Variants in SMARCA4 observed in about 807,000 individuals in gnomAD.
The protein encoded by SMARCA4 is SWI/SNF-related matrix-associated actin-dependent regulator of chromatin subfamily A member 4.
SMARCA4 carries 31 observed loss-of-function variants against 193.9 expected under a neutral mutation model. The ratio of observed to expected loss-of-function variants is 0.16; its 90% confidence interval spans 0.12 to 0.22. SMARCA4 has a LOEUF of 0.22. Among genes scored for constraint, SMARCA4 ranks in the 10% least tolerant of loss-of-function variants. SMARCA4 has a pLI of 1.00. For synonymous variants in SMARCA4, 942 were observed against 933.1 expected, an observed-to-expected ratio of 1.01 and a Z score of -0.17; for missense variants, 1,148 against 2,296.0, an observed-to-expected ratio of 0.50 and a Z score of 10.22.
Position 11,058,954 on chromosome 19 carries a change from C to T in SMARCA4, c.4635+65C>T, listed in dbSNP as rs1394022786. The stretch of plus-strand genomic sequence containing the variant: ...CAGCTGGGCTTTGACCCAACCCGCC[C>T]CTCCTTCCCTTCTGAATTGATGGGT... On this transcript the variant is annotated intron_variant, in intron 32 of 34. Coordinates refer to ENST00000344626, the MANE Select transcript of SMARCA4 (RefSeq NM_003072.5). The surrounding 1 kb of genome is among the most constrained non-coding windows in gnomAD (Gnocchi z 5.8). The T allele has an allele frequency of 3.9e-5, 49 of 1,253,196 alleles. No individual in the cohort carries two copies. Among genetic ancestry groups the T allele is most frequent in the Non-Finnish European group, 5.7e-5 (49 of 858,826 alleles). 77.6% of individuals were successfully genotyped at this position (1,253,196 alleles called of 1,614,324 possible).
At chr19:11,060,307 A>G in intron 34 of SMARCA4, 120 bp downstream of exon 34, 1 of 1,269,838 alleles carries the variant, frequency 7.9e-7, no homozygotes, top group Non-Finnish European at 1.1e-6. Context: ...GGGAAAGCTG[A>G]GGCTTGACCT....
At position 10,986,805 on chromosome 19, in the gene SMARCA4, G is replaced by T; in HGVS notation, c.761-100G>T. 3 of 1,248,084 alleles carry T rather than the reference G, an allele frequency of 2.4e-6. No homozygotes were observed. The highest frequency in any genetic ancestry group is 2.3e-6 in the Non-Finnish European group (2 of 857,344). 77.3% of individuals were successfully genotyped at this position (1,248,084 alleles called of 1,614,324 possible). A position where few individuals can be genotyped will look rare whatever the true frequency, so the allele number is the denominator to read the frequency against. Reference sequence around the variant, plus strand: ...CCCCTGGGGCCGCTGGTTAATAGGTGTATCTGCTGTGTCCCCTGGAGCCAG... The same window carrying T: ...CCCCTGGGGCCGCTGGTTAATAGGTTTATCTGCTGTGTCCCCTGGAGCCAG... On this transcript the variant is annotated intron_variant, in intron 4 of 34. Coordinates refer to ENST00000344626, the MANE Select transcript of SMARCA4 (RefSeq NM_003072.5). The surrounding 1 kb of genome is among the most constrained non-coding windows in gnomAD (Gnocchi z 6.7).
In SMARCA4 at chr19:11,058,390, C is replaced by T. The variant is rs201263205; in HGVS notation, c.4533+27C>T. On this transcript the variant is annotated intron_variant, in intron 31 of 34. Coordinates refer to ENST00000344626, the MANE Select transcript of SMARCA4 (RefSeq NM_003072.5). The surrounding 1 kb of genome is among the most constrained non-coding windows in gnomAD (Gnocchi z 5.8). ...TAACCCTGACGTTGTACCTGCGCCCCGCATGTGCCCGGAGGGGAGTCTGAC... is the reference window on the plus strand; with the variant it reads ...TAACCCTGACGTTGTACCTGCGCCCTGCATGTGCCCGGAGGGGAGTCTGAC... 7.0e-5 allele frequency: 105 copies of T among 1,490,234 alleles called. No homozygotes were observed. The highest frequency in any genetic ancestry group is 9.6e-5 in the African/African-American group (7 of 72,570). 92.3% of individuals were successfully genotyped at this position (1,490,234 alleles called of 1,614,324 possible). A position where few individuals can be genotyped will look rare whatever the true frequency, so the allele number is the denominator to read the frequency against.
rs11882440 is a variant in SMARCA4 at position 11,019,519 on chromosome 19, G to A, written c.2506-72G>A. 0.015 allele frequency: 13,766 copies of A among 896,928 alleles called. 745 individuals are homozygous for A. Among genetic ancestry groups the A allele is most frequent in the African/African-American group, 0.13 (8,067 of 60,920 alleles). 55.6% of individuals were successfully genotyped at this position (896,928 alleles called of 1,614,324 possible). A position where few individuals can be genotyped will look rare whatever the true frequency, so the allele number is the denominator to read the frequency against. On this transcript the variant is annotated intron_variant, in intron 17 of 34. Transcript: ENST00000344626. The surrounding 1 kb of genome is among the most constrained non-coding windows in gnomAD (Gnocchi z 6.1). The stretch of plus-strand genomic sequence containing the variant: ...CCGTGTCACTGGGCAGTTGCAGGGG[G>A]TGCCTGTGCCCCTCTTGCCACCTGG...
intron 29 of SMARCA4, among the ~76,000 whole-genome samples, chr19:11,036,895 C>T (rs150843895): frequency 2.6e-5 from 4 of 152,298 alleles, no homozygotes; most frequent in African/African-American, 7.2e-5. Context: ...AGTCCTACAG[C>T]GTGGGATGCT....
At chr19:10,991,631 G>T (rs1327478335) in intron 8 of SMARCA4, among the ~76,000 whole-genome samples, 1 of 152,204 alleles carries the variant, frequency 6.6e-6, no homozygotes, top group African/African-American at 2.4e-5. Context: ...TCTTTCTTTT[G>T]GAGGTGACAT....
chr19:10,986,539 C>G lies in SMARCA4; in HGVS notation c.706C>G (p.Pro236Ala). 1 of 1,541,260 alleles carries G rather than the reference C, an allele frequency of 6.5e-7. No homozygotes were observed. Among genetic ancestry groups the G allele is most frequent in the Non-Finnish European group, 8.7e-7 (1 of 1,146,626 alleles). The change falls in exon 4 of 35, where the codon CCT (proline) becomes GCT (alanine). Residue 236 changes from proline to alanine, a missense_variant. Transcript: ENST00000344626. This position sits in a 1 kb window ranked among gnomAD's most constrained non-coding sequence, Gnocchi z 6.7. The part of the protein sequence containing the change: ...SATGPGPGPG[P>A]GPGPGPGPAP... ...AACAGGACCCGGCCCTGGCCCTGGC[C>G]CTGGCCCCGGCCCGGGTCCCGGCCC...
In SMARCA4 at chr19:10,987,034, G is replaced by A. The variant is rs369650887; in HGVS notation, c.859+31G>A. ...CTCCCTCTTCTATGGTGGTGCACCCGTGCCCTTACTCCCCATCTCAAGCTT... is the reference window on the plus strand; with the variant it reads ...CTCCCTCTTCTATGGTGGTGCACCCATGCCCTTACTCCCCATCTCAAGCTT... On this transcript the variant is annotated intron_variant, in intron 5 of 34. Coordinates refer to ENST00000344626, the MANE Select transcript of SMARCA4 (RefSeq NM_003072.5). The surrounding 1 kb of genome is among the most constrained non-coding windows in gnomAD (Gnocchi z 5.3). The A allele has an allele frequency of 4.5e-5, 67 of 1,487,602 alleles. No individual in the cohort carries two copies. The African/African-American group carries it at 7.5e-4, about 17-fold the overall frequency. 92.2% of individuals were successfully genotyped at this position (1,487,602 alleles called of 1,614,324 possible).
chr19:10,984,884 T>C lies in SMARCA4; in HGVS notation c.223-389T>C, dbSNP rs2085879061. On this transcript the variant is annotated intron_variant, in intron 2 of 34. Coordinates refer to ENST00000344626, the MANE Select transcript of SMARCA4 (RefSeq NM_003072.5). This position sits in a 1 kb window ranked among gnomAD's most constrained non-coding sequence, Gnocchi z 4.3. Reference sequence around the variant, plus strand: ...AGGCTCTTTATGGTCACAAGTCTCTTTTGCATGTCCCTGGATGTGGTTAGA... The same window carrying C: ...AGGCTCTTTATGGTCACAAGTCTCTCTTGCATGTCCCTGGATGTGGTTAGA... Among the ~76,000 whole-genome samples the C allele has an allele frequency of 6.6e-6, 1 of 152,140 alleles. No individual in the cohort carries two copies.
intron 22 of SMARCA4, among the ~76,000 whole-genome samples, chr19:11,025,886 C>T (rs1037469837): frequency 1.3e-5 from 2 of 152,126 alleles, no homozygotes; most frequent in Non-Finnish European, 2.9e-5. Flanking sequence ...AGTCAGAACC[C>T]TTTTTGGTCA....
At chr19:11,007,866 G>A (rs758257039) in intron 13 of SMARCA4, 36 bp from the exon 14 acceptor site, 1 of 1,612,160 alleles carries the variant, frequency 6.2e-7, no homozygotes, top group Non-Finnish European at 8.5e-7. Flanking sequence ...CTCTCTGGGG[G>A]ATGAACTGAG....
At chr19:11,036,959 G>A (rs1241567359) in intron 29 of SMARCA4, among the ~76,000 whole-genome samples, 1 of 152,216 alleles carries the variant, frequency 6.6e-6, no homozygotes, top group Non-Finnish European at 1.5e-5. Context: ...GATGCAGCAG[G>A]TGTGTTGCAT....
At chr19:11,045,617 A>G (rs1307936116) in intron 30 of SMARCA4, among the ~76,000 whole-genome samples, 1 of 152,186 alleles carries the variant, frequency 6.6e-6, no homozygotes, top group African/African-American at 2.4e-5. Flanking sequence ...ATTTTCAGAC[A>G]AAAAGTATGT....
At position 10,996,558 on chromosome 19, in the gene SMARCA4, G is replaced by C. The variant is rs2145982402; in HGVS notation, c.1812+14G>C. 1 of 1,613,488 alleles carries C rather than the reference G, an allele frequency of 6.2e-7. No individual in the cohort carries two copies. The highest frequency in any genetic ancestry group is 1.7e-4 in the Middle Eastern group (1 of 6,058). ...CCGGATGGCGAGGTGAGGAAGCAGG[G>C]TTTCTTGTGGAAGTATCAAGCTAGC... On this transcript the variant is annotated intron_variant, in intron 11 of 34. Coordinates refer to ENST00000344626, the MANE Select transcript of SMARCA4 (RefSeq NM_003072.5).
intron 29 of SMARCA4, among the ~76,000 whole-genome samples, chr19:11,037,660 T>A (rs1226991642): frequency 6.6e-6 from 1 of 152,246 alleles, no homozygotes; most frequent in African/African-American, 2.4e-5. Context: ...ATTTTTCTTT[T>A]TCACCTGTGC....
At position 10,984,397 on chromosome 19, in the gene SMARCA4, G is replaced by A. The variant is rs377184052; in HGVS notation, c.222+24G>A. 43 of 1,557,682 alleles carry A rather than the reference G, an allele frequency of 2.8e-5. No individual in the cohort carries two copies. The highest frequency in any genetic ancestry group is 3.5e-5 in the Non-Finnish European group (40 of 1,151,042). ...AGGTAGGGATCCCTGTGCCCGCCTC[G>A]CACCTGCGGCCTCTGCCCACTAGGG... is the stretch of plus-strand genomic sequence containing the variant. On this transcript the variant is annotated intron_variant, in intron 2 of 34. Transcript: ENST00000344626. This position sits in a 1 kb window ranked among gnomAD's most constrained non-coding sequence, Gnocchi z 4.3.
At chr19:11,035,617 C>T (rs556796407) in intron 29 of SMARCA4, among the ~76,000 whole-genome samples, 3 of 152,238 alleles carry the variant, frequency 2.0e-5, no homozygotes, top group Admixed American at 6.5e-5. Flanking sequence ...GAGGGCAAGC[C>T]CCCAAGGGCC....
intron 30 of SMARCA4, among the ~76,000 whole-genome samples, chr19:11,054,197 C>CCTAGGAGAACTGCAAA (rs1197710645): frequency 6.6e-6 from 1 of 152,210 alleles, no homozygotes; most frequent in Non-Finnish European, 1.5e-5. Context: ...CAGATAAATT[C>CCTAGGAGAACTGCAAA]CTAGGAGAAC....
In SMARCA4 at chr19:11,034,044, C is replaced by T. The variant is rs934939790; in HGVS notation, c.3874-79C>T. 7.8e-5 allele frequency: 85 copies of T among 1,092,658 alleles called. 1 individual carries two copies. The highest frequency in any genetic ancestry group is 4.8e-4 in the African/African-American group (31 of 65,106). 67.7% of individuals were successfully genotyped at this position (1,092,658 alleles called of 1,614,324 possible). A position where few individuals can be genotyped will look rare whatever the true frequency, so the allele number is the denominator to read the frequency against. ...GGGACCACCAGCTCATTCCCACGGA[C>T]GCCGCCGCTCGCCTCTGAGCTCGGC... On this transcript the variant is annotated intron_variant, in intron 27 of 34. Coordinates refer to ENST00000344626, the MANE Select transcript of SMARCA4 (RefSeq NM_003072.5). The surrounding 1 kb of genome is among the most constrained non-coding windows in gnomAD (Gnocchi z 7.0).
Sources: gnomAD v4.1 joint callset for allele counts (sites outside exome capture counted in the v4.1 genomes callset) on GRCh38, gnomAD v4.1.1 for gene constraint, Gnocchi (gnomAD v3.1) non-coding constraint, MANE v1.5 for transcripts, NCBI Gene and HGNC (gene_info 2026-07-23, HGNC 2026-07-21) for gene names.